NBAS: variants seen among roughly 807,000 people sequenced by gnomAD.
NBAS encodes NAG/BC035112 fusion.
A neutral mutation model predicts 302.5 loss-of-function variants in NBAS; 219 were observed. The observed-to-expected ratio is 0.72, with a 90% confidence interval of 0.65 to 0.81. NBAS has a LOEUF of 0.81. NBAS is among the 30% of genes least tolerant of loss of function. NBAS has a pLI of 0.00. For synonymous variants in NBAS, 1,118 were observed against 1,021.6 expected (o/e 1.09, Z -1.80); for missense variants, 2,932 against 2,841.6 (o/e 1.03, Z -0.72).
chr2:15,458,616 A>T (rs7605827), intron 21 of NBAS, among the ~76,000 whole-genome samples: 92,047 of 152,112 alleles, frequency 0.61, 28,851 homozygotes, highest in Non-Finnish European at 0.68. Flanking sequence ...CAGATGCCAG[A>T]GCTATGCTTC....
At chr2:15,117,758 G>A in the NBAS span, among the ~76,000 whole-genome samples, 2 of 152,172 alleles carry the variant, frequency 1.3e-5, no homozygotes, top group Non-Finnish European at 2.9e-5. Context: ...CAGGAACACA[G>A]TGTGGGAAAC....
chr2:15,418,031 ACAT>A (rs1677032361), intron 23 of NBAS, among the ~76,000 whole-genome samples: 1 of 152,208 alleles, frequency 6.6e-6, no homozygotes, highest in Non-Finnish European at 1.5e-5. Context: ...CATTATATTT[ACAT>A]AATAAGAGAA....
At chr2:15,013,586 T>C in the NBAS span, among the ~76,000 whole-genome samples, 1 of 151,992 alleles carries the variant, frequency 6.6e-6, no homozygotes, top group African/African-American at 2.4e-5. Flanking sequence ...GAGTTCAAGA[T>C]CAGTCTAGCC....
chr2:15,228,321 G>A (rs182347937), intron 47 of NBAS, among the ~76,000 whole-genome samples: 4 of 151,982 alleles, frequency 2.6e-5, no homozygotes, highest in East Asian at 1.9e-4. Context: ...CATTTTCCCC[G>A]AGTTAAGAAA....
chr2:14,808,022 C>T, the NBAS span, among the ~76,000 whole-genome samples: 1 of 152,112 alleles, frequency 6.6e-6, no homozygotes, highest in Non-Finnish European at 1.5e-5. Flanking sequence ...TTACCATACT[C>T]ATCTTTAACT....
At chr2:15,362,769 C>G (rs994690566) in intron 32 of NBAS, among the ~76,000 whole-genome samples, 1 of 152,112 alleles carries the variant, frequency 6.6e-6, no homozygotes, top group Non-Finnish European at 1.5e-5. Context: ...AGCTAGGCTA[C>G]AAGCTCTAAT....
rs1662131107 is a variant in NBAS at position 15,511,280 on chromosome 2, C to A, written c.817G>T (p.Ala273Ser). The change falls in exon 10 of 52, where the codon GCC becomes TCC. Residue 273 changes from alanine to serine, a missense_variant. Transcript: ENST00000281513. Reference sequence around the variant, plus strand: ...GGTGATCCTGAAAGAACTCTCCAGGCAGAAAGGCCACAGCTAGAAGCTTTT... The same window carrying A: ...GGTGATCCTGAAAGAACTCTCCAGGAAGAAAGGCCACAGCTAGAAGCTTTT... ...MSKASSCGLS[A>S]WRVLSGSPYY... is the part of the protein sequence containing the mutation. The A allele has an allele frequency of 1.9e-6, 3 of 1,614,030 alleles. No individual in the cohort carries two copies. The African/African-American group carries it at 4.0e-5, about 22-fold the overall frequency.
the NBAS span, among the ~76,000 whole-genome samples, chr2:14,840,473 T>C: frequency 2.0e-5 from 3 of 151,916 alleles, no homozygotes; most frequent in Admixed American, 2.0e-4. Flanking sequence ...TAAAAAGGCA[T>C]AAGAAAATAA....
At chr2:15,063,606 G>A in the NBAS span, among the ~76,000 whole-genome samples, 56 of 152,236 alleles carry the variant, frequency 3.7e-4, 1 homozygote, top group Non-Finnish European at 6.9e-4. Context: ...TGTAGATAGG[G>A]ACTTTAAGGA....
At chr2:14,803,769 C>G in the NBAS span, among the ~76,000 whole-genome samples, 1 of 152,134 alleles carries the variant, frequency 6.6e-6, no homozygotes, top group Non-Finnish European at 1.5e-5. Context: ...CCTGCTTCAG[C>G]CTCCCAAGTA....
the NBAS span, among the ~76,000 whole-genome samples, chr2:15,037,480 T>C: frequency 4.6e-5 from 7 of 152,276 alleles, no homozygotes; most frequent in Admixed American, 2.6e-4. Flanking sequence ...GTGTACAAAA[T>C]TGCTCGCTGC....
At chr2:15,360,008 T>G (rs747562852) in intron 32 of NBAS, among the ~76,000 whole-genome samples, 3 of 152,190 alleles carry the variant, frequency 2.0e-5, no homozygotes, top group Non-Finnish European at 2.9e-5. Context: ...TACAGTATAT[T>G]TCTGTACTGA....
chr2:15,176,948 C>A (rs1664571415), intron 51 of NBAS, among the ~76,000 whole-genome samples: 1 of 152,160 alleles, frequency 6.6e-6, no homozygotes, highest in South Asian at 2.1e-4. Context: ...AAACCTTAGC[C>A]TCTGGGGACT....
At chr2:15,410,048 C>T (rs1676607281) in intron 25 of NBAS, among the ~76,000 whole-genome samples, 1 of 152,212 alleles carries the variant, frequency 6.6e-6, no homozygotes, top group African/African-American at 2.4e-5. Context: ...ACATTCCCCA[C>T]TCCCCTAGAA....
At chr2:15,309,820 T>C (rs955683514) in intron 38 of NBAS, among the ~76,000 whole-genome samples, 1 of 152,224 alleles carries the variant, frequency 6.6e-6, no homozygotes, top group African/African-American at 2.4e-5. Context: ...CTTTTTCACA[T>C]AAATTTTTAC....
Position 15,504,141 on chromosome 2 carries a change from T to C in NBAS, c.954+4A>G. 6.2e-7 allele frequency: 1 copy of C among 1,611,784 alleles called. No homozygotes were observed. Among genetic ancestry groups the C allele is most frequent in the Non-Finnish European group, 8.5e-7 (1 of 1,177,892 alleles). On this transcript the variant is annotated splice_donor_region_variant and intron_variant, in intron 11 of 51. Transcript: ENST00000281513. ...CCCACCATAGTTAAGCCAATTTGTGTTACCTGTTCTTGTCCCTGGCGACTG... is the reference window on the plus strand; with the variant it reads ...CCCACCATAGTTAAGCCAATTTGTGCTACCTGTTCTTGTCCCTGGCGACTG...
chr2:15,538,111 T>C (rs969770465), intron 7 of NBAS, among the ~76,000 whole-genome samples: 8 of 152,240 alleles, frequency 5.3e-5, no homozygotes, highest in African/African-American at 1.7e-4. Context: ...TTTGGATATA[T>C]TGGATGATAT....
intron 48 of NBAS, among the ~76,000 whole-genome samples, chr2:15,205,270 A>G (rs1666084887): frequency 6.6e-6 from 1 of 152,132 alleles, no homozygotes; most frequent in South Asian, 2.1e-4. Flanking sequence ...CAAAAATAAA[A>G]TGCAAGAAAT....
intron 6 of NBAS, among the ~76,000 whole-genome samples, chr2:15,540,301 C>A (rs1194839448): frequency 1.3e-5 from 2 of 151,988 alleles, no homozygotes; most frequent in Non-Finnish European, 1.5e-5. Flanking sequence ...TTACAACACA[C>A]TGCCTCTCCA....
Sources: gnomAD v4.1 joint callset for allele counts (sites outside exome capture counted in the v4.1 genomes callset) on GRCh38, gnomAD v4.1.1 for gene constraint, MANE v1.5 for transcripts, NCBI Gene and HGNC (gene_info 2026-07-23, HGNC 2026-07-21) for gene names.